CCNB3: variants seen among roughly 807,000 people sequenced by gnomAD.
CCNB3 encodes the protein cyclin B3.
A neutral mutation model predicts 68.0 loss-of-function variants in CCNB3; 12 were observed. That is an observed-to-expected ratio of 0.18 (90% CI 0.11 to 0.29). The LOEUF (loss-of-function observed/expected upper bound fraction) is 0.29, where lower values mean the gene tolerates loss of function less well. Ranked by LOEUF, CCNB3 falls within the 10% of genes least tolerant of loss-of-function variation. The probability of loss-of-function intolerance (pLI) is 1.00; values close to 1 mark genes in which losing one functional copy is unlikely to be tolerated. For missense variants in CCNB3, 904 were observed against 993.1 expected (o/e 0.91, Z 1.21); for synonymous variants, 354 against 388.9 (o/e 0.91, Z 1.06).
intron 1 of CCNB3, among the ~76,000 whole-genome samples, chrX:50,221,777 C>G (rs1935677876): frequency 9.0e-6 from 1 of 111,338 alleles, no homozygotes; most frequent in Non-Finnish European, 1.9e-5. Context: ...CTGTAGATGT[C>G]TATTAGGTCC....
chrX:50,337,384 A>C, intron 8 of CCNB3, among the ~76,000 whole-genome samples: 1 of 109,620 alleles, frequency 9.1e-6, no homozygotes, highest in African/African-American at 3.3e-5. Flanking sequence ...GCCTTCCTTA[A>C]CTAACTGTCC....
chrX:50,219,947 T>G (rs1239348817), intron 1 of CCNB3, among the ~76,000 whole-genome samples: 1 of 111,562 alleles, frequency 9.0e-6, no homozygotes, highest in Non-Finnish European at 1.9e-5. Context: ...CTTTTTTCCT[T>G]AAGCAGTGGT....
rs781892305 is a variant in CCNB3 at position 50,309,688 on chromosome X, C to T, written c.1519C>T (p.Pro507Ser). The T allele has an allele frequency of 1.1e-5, 13 of 1,206,806 alleles. No individual in the cohort carries two copies. In the South Asian group the frequency reaches 1.9e-4, roughly 18 times the overall value. The change falls in exon 6 of 13, where the codon CCA (proline) becomes TCA (serine). Residue 507 changes from proline (P) to serine (S), a missense_variant. Physicochemically the swap from Pro to Ser is moderately conservative, Grantham distance 74 (BLOSUM62 -1). Transcript: ENST00000376042. ...TQGTMSHLKK[P>S]LILQTTSGEK... ...GGGGACAATGTCCCACTTGAAGAAA[C>T]CACTAATATTACAGACCACCTCTGG...
intron 1 of CCNB3, among the ~76,000 whole-genome samples, chrX:50,281,876 T>A (rs1383600322): frequency 9.0e-6 from 1 of 111,133 alleles, no homozygotes; most frequent in Non-Finnish European, 1.9e-5. Flanking sequence ...GATGGACACG[T>A]GTCCTCACTC....
intron 1 of CCNB3, among the ~76,000 whole-genome samples, chrX:50,226,234 T>TATATATATATAGAATATATATA (rs1935776970): frequency 1.5e-5 from 1 of 66,748 alleles, no homozygotes; most frequent in African/African-American, 6.5e-5. Context: ...AATATATATA[T>TATATATATATAGAATATATATA]TTATATATAT....
At chrX:50,226,234 T>TA (rs1935776970) in intron 1 of CCNB3, among the ~76,000 whole-genome samples, 24 of 66,741 alleles carry the variant, frequency 3.6e-4, no homozygotes, top group African/African-American at 3.9e-4. Context: ...AATATATATA[T>TA]TTATATATAT....
At chrX:50,347,834 C>T in intron 11 of CCNB3, 59 bp downstream of exon 11, 3 of 1,107,852 alleles carry the variant, frequency 2.7e-6, no homozygotes, top group Non-Finnish European at 3.6e-6. Context: ...AAGGTCAGCT[C>T]ATGGGGAAGG....
Position 50,308,520 on chromosome X carries a change from C to T in CCNB3, c.351C>T (p.Val117=). The change falls in exon 6 of 13, where the codon GTC becomes GTT. Residue 117 remains valine (V), a synonymous_variant. Coordinates refer to ENST00000376042, the MANE Select transcript of CCNB3 (RefSeq NM_033031.3). The part of the protein sequence containing the change: ...KRNLKWHKLE[V]TPVVASTTVV... ...TCCTTCACAGGCATAAGCTGGAAGT[C>T]ACACCAGTAGTAGCCTCTACTACCG... 8.4e-7 allele frequency: 1 copy of T among 1,194,555 alleles called. No individual in the cohort carries two copies. The highest frequency in any genetic ancestry group is 1.1e-6 in the Non-Finnish European group (1 of 883,851).
intron 4 of CCNB3, 64 bp from the exon 5 acceptor site, chrX:50,294,799 G>A (rs1459786002): frequency 2.6e-6 from 3 of 1,133,284 alleles, no homozygotes; most frequent in Non-Finnish European, 3.5e-6. Context: ...TAGGTAATTT[G>A]TGGTTTTCTT....
chrX:50,223,340 G>A (rs1316987022), intron 1 of CCNB3, among the ~76,000 whole-genome samples: 1 of 111,338 alleles, frequency 9.0e-6, no homozygotes, highest in Non-Finnish European at 1.9e-5. Context: ...AGGAGAAGAG[G>A]CATTCTGGTT....
chrX:50,297,118 A>G, intron 5 of CCNB3, among the ~76,000 whole-genome samples: 1 of 111,388 alleles, frequency 9.0e-6, no homozygotes, highest in Non-Finnish European at 1.9e-5. Context: ...TGCTGTGCAG[A>G]AGCTCTTTAG....
chrX:50,306,970 C>T (rs185299152), intron 5 of CCNB3, among the ~76,000 whole-genome samples: 291 of 111,475 alleles, frequency 2.6e-3, no homozygotes, highest in African/African-American at 8.8e-3. Flanking sequence ...GTAATACTGA[C>T]CTCATATAAT....
chrX:50,295,538 A>C (rs1447254425), intron 5 of CCNB3, among the ~76,000 whole-genome samples: 3 of 111,714 alleles, frequency 2.7e-5, no homozygotes, highest in Non-Finnish European at 3.8e-5. Context: ...GGAAGACTTT[A>C]TCCCCTCCTC....
rs1922387504 is a variant in CCNB3 at position 50,328,116 on chromosome X, CT to C, written c.3517-14084del. Among the ~76,000 whole-genome samples the C allele has an allele frequency of 3.6e-5, 4 of 111,813 alleles. No individual in the cohort carries two copies. In the South Asian group the frequency reaches 1.5e-3, roughly 42 times the overall value. On this transcript the variant is annotated intron_variant, in intron 8 of 12. Transcript: ENST00000376042. ...GAAAGCAACACAGCCTTGATGACACCTTGATTTTTAACCCAGTGAGACTCAT... is the reference window on the plus strand; with the variant it reads ...GAAAGCAACACAGCCTTGATGACACCTGATTTTTAACCCAGTGAGACTCAT...
chrX:50,220,923 G>A lies in CCNB3; in HGVS notation c.-113+15973G>A, dbSNP rs991501360. ...GGTCCTGGGCTTTTTTTGGTTGGTA[G>A]TCTATTAGTTACTGCCTCAATTTCA... is the stretch of plus-strand genomic sequence containing the variant. On this transcript the variant is annotated intron_variant, in intron 1 of 12. Coordinates refer to ENST00000376042, the MANE Select transcript of CCNB3 (RefSeq NM_033031.3). 1.1e-3 allele frequency among the ~76,000 whole-genome samples: 119 copies of A among 111,412 alleles called. 1 individual carries two copies. The highest frequency in any genetic ancestry group is 3.7e-3 in the African/African-American group (115 of 30,744).
At position 50,294,966 on chromosome X, in the gene CCNB3, C is replaced by T. The variant is rs1557210659; in HGVS notation, c.308C>T (p.Ala103Val). 1 of 1,204,916 alleles carries T rather than the reference C, an allele frequency of 8.3e-7. No individual in the cohort carries two copies. Among genetic ancestry groups the T allele is most frequent in the South Asian group, 1.8e-5 (1 of 55,548 alleles). The change falls in exon 5 of 13, where the codon GCC (alanine) becomes GTC (valine). Residue 103 changes from alanine (A) to valine (V), a missense_variant. By Grantham distance (64) the Ala-to-Val change is moderately conservative (BLOSUM62 0). Around this residue, in one of 2 missense-constraint regions of CCNB3, gnomAD observed 619 missense variants for 609.8 expected, o/e 1.02. Coordinates refer to ENST00000376042, the MANE Select transcript of CCNB3 (RefSeq NM_033031.3). ...INRNTHALGL[A>V]KKNKRNLKWH... ...AGGAACACACATGCTCTTGGACTGG[C>T]CAAAAAGAATAAGCGGAATCTAAAA...
intron 1 of CCNB3, among the ~76,000 whole-genome samples, chrX:50,283,868 GTTTCTTTTTTCT>G (rs1936186802): frequency 9.3e-6 from 1 of 107,726 alleles, no homozygotes; most frequent in African/African-American, 3.4e-5. Context: ...TTTCCATTAT[GTTTCTTTTTTCT>G]TTTCTTTTTT....
At chrX:50,335,424 C>T (rs1247891813) in intron 8 of CCNB3, among the ~76,000 whole-genome samples, 1 of 112,006 alleles carries the variant, frequency 8.9e-6, no homozygotes, top group African/African-American at 3.3e-5. Context: ...AGCACAAGTC[C>T]TGTACTGGCT....
chrX:50,279,341 A>C (rs1257343859), intron 1 of CCNB3, among the ~76,000 whole-genome samples: 2 of 75,541 alleles, frequency 2.6e-5, no homozygotes, highest in Non-Finnish European at 4.6e-5. Context: ...ATATGAATAT[A>C]TATATGAATA....
Sources: allele counts gnomAD v4.1 joint callset (sites outside exome capture counted in the v4.1 genomes callset), GRCh38; gene constraint gnomAD v4.1.1; regional missense constraint gnomAD v4.1.1; transcripts MANE v1.5; gene names NCBI Gene and HGNC (gene_info 2026-07-23, HGNC 2026-07-21).